Variants in RBFOX1 observed in about 807,000 individuals in gnomAD.
The protein encoded by RBFOX1 is RNA binding protein fox-1 homolog 1.
RBFOX1 carries 8 observed loss-of-function variants against 57.7 expected under a neutral mutation model. The observed-to-expected ratio is 0.14, with a 90% CI of 0.08 to 0.25. The LOEUF (loss-of-function observed/expected upper bound fraction) is 0.25, where lower values mean the gene tolerates loss of function less well. Ranked by LOEUF, RBFOX1 falls within the 10% of genes least tolerant of loss-of-function variation. The pLI, the probability that RBFOX1 is intolerant of heterozygous loss-of-function variation, is 1.00. For missense variants in RBFOX1, 611 were observed against 548.5 expected (o/e 1.11, Z -1.14); for synonymous variants, 326 against 222.4 (o/e 1.47, Z -4.15).
chr16:7,411,758 CTGGGCGTGG>C (rs1483955503), intron 4 of RBFOX1, among the ~76,000 whole-genome samples: 1 of 152,124 alleles, frequency 6.6e-6, no homozygotes, highest in East Asian at 1.9e-4. Context: ...CAAAAATTAG[CTGGGCGTGG>C]TGGCGCATGC....
At chr16:6,918,717 T>G (rs1174934748) in intron 3 of RBFOX1, among the ~76,000 whole-genome samples, 3 of 152,186 alleles carry the variant, frequency 2.0e-5, no homozygotes, top group Admixed American at 6.5e-5. Flanking sequence ...TTCTCTGCCT[T>G]CCGAATGCAG....
In RBFOX1 at chr16:6,985,095, C is replaced by A. The variant is rs868443611; in HGVS notation, c.-15-66962C>A. Among the ~76,000 whole-genome samples, 4 of 149,324 alleles carry A rather than the reference C, an allele frequency of 2.7e-5. No individual in the cohort carries two copies. In the South Asian group the frequency reaches 6.7e-4, roughly 25 times the overall value. On this transcript the variant is annotated intron_variant, in intron 3 of 15. Transcript: ENST00000550418. Reference sequence around the variant, plus strand: ...TTCTCAAGATTCTGGAATTTCCTCTCCCCTCTCCTTCCTTCCCCTACCCTA... The same window carrying A: ...TTCTCAAGATTCTGGAATTTCCTCTACCCTCTCCTTCCTTCCCCTACCCTA...
intron 2 of RBFOX1, among the ~76,000 whole-genome samples, chr16:5,502,999 C>G (rs2043253746): frequency 1.3e-5 from 2 of 152,230 alleles, no homozygotes; most frequent in African/African-American, 4.8e-5. Flanking sequence ...ACACATCTCT[C>G]CTAAAATATT....
At chr16:7,607,231 A>C in intron 9 of RBFOX1, 54 bp from the exon 10 acceptor site, 2 of 1,479,968 alleles carry the variant, frequency 1.4e-6, no homozygotes, top group Non-Finnish European at 1.9e-6. Flanking sequence ...ATTTGCAATT[A>C]TATAAGATGT....
chr16:6,162,079 C>G (rs920022956), intron 1 of RBFOX1, among the ~76,000 whole-genome samples: 54 of 152,292 alleles, frequency 3.5e-4, no homozygotes, highest in African/African-American at 1.3e-3. Context: ...AGGTCAGATT[C>G]ACACAATGCA....
intron 2 of RBFOX1, among the ~76,000 whole-genome samples, chr16:6,550,830 A>C (rs1009296192): frequency 2.0e-5 from 3 of 152,228 alleles, no homozygotes; most frequent in African/African-American, 7.2e-5. Context: ...CTTCACATTG[A>C]TTAGAACAAT....
intron 3 of RBFOX1, among the ~76,000 whole-genome samples, chr16:6,986,130 G>C (rs1271761161): frequency 3.4e-5 from 5 of 147,800 alleles, no homozygotes; most frequent in Non-Finnish European, 1.5e-5. Context: ...ATGAAAAAAT[G>C]TAAGACTTGT....
At chr16:5,629,493 G>A (rs1188614369) in intron 3 of RBFOX1, among the ~76,000 whole-genome samples, 1 of 152,218 alleles carries the variant, frequency 6.6e-6, no homozygotes, top group Admixed American at 6.5e-5. Context: ...CCCAAAGAGG[G>A]CTTCATGGAC....
At chr16:6,870,249 A>G (rs182781968) in intron 3 of RBFOX1, among the ~76,000 whole-genome samples, 1 of 152,232 alleles carries the variant, frequency 6.6e-6, no homozygotes, top group African/African-American at 2.4e-5. Flanking sequence ...GGGTGGGGCA[A>G]TGGAGAGAGC....
At position 6,975,881 on chromosome 16, in the gene RBFOX1, C is replaced by T. The variant is rs544962837; in HGVS notation, c.-15-76176C>T. On this transcript the variant is annotated intron_variant, in intron 3 of 15. Coordinates refer to ENST00000550418, the MANE Select transcript of RBFOX1 (RefSeq NM_018723.4). ...GTGGTGCACACCTGTAATCGCAGCA[C>T]TTTGGGAGGCTGAGGTAGGTGGTCA... Among the ~76,000 whole-genome samples, 34 of 152,194 alleles carry T rather than the reference C, an allele frequency of 2.2e-4. No homozygotes were observed. The South Asian group carries it at 6.2e-3, about 28-fold the overall frequency.
chr16:6,722,285 C>A (rs1351408544), intron 3 of RBFOX1, among the ~76,000 whole-genome samples: 2 of 152,016 alleles, frequency 1.3e-5, no homozygotes, highest in Non-Finnish European at 2.9e-5. Flanking sequence ...AGAGTTTCCA[C>A]TTCTCCACAG....
chr16:5,603,771 T>C (rs1401824814), downstream of RBFOX1, among the ~76,000 whole-genome samples: 1 of 152,238 alleles, frequency 6.6e-6, no homozygotes, highest in Non-Finnish European at 1.5e-5. Flanking sequence ...GGCCACAAGA[T>C]GGAGAGGCAC....
At chr16:6,127,897 A>G (rs1009921095) in intron 1 of RBFOX1, among the ~76,000 whole-genome samples, 1 of 152,202 alleles carries the variant, frequency 6.6e-6, no homozygotes, top group Non-Finnish European at 1.5e-5. Context: ...GCATTTTCTC[A>G]CTTCAGAGAA....
chr16:6,870,300 T>G (rs971523363), intron 3 of RBFOX1, among the ~76,000 whole-genome samples: 1 of 152,186 alleles, frequency 6.6e-6, no homozygotes, highest in African/African-American at 2.4e-5. Context: ...CCTTTTTGTT[T>G]GTCAGCACTA....
chr16:5,675,956 C>G (rs187358311), intron 3 of RBFOX1, among the ~76,000 whole-genome samples: 7 of 152,196 alleles, frequency 4.6e-5, no homozygotes, highest in Admixed American at 3.9e-4. Context: ...AGTCTTTTGT[C>G]TATAATTAGG....
chr16:6,685,738 A>C (rs1029308654), intron 3 of RBFOX1, among the ~76,000 whole-genome samples: 6 of 152,136 alleles, frequency 3.9e-5, no homozygotes, highest in African/African-American at 7.2e-5. Flanking sequence ...CAATTTTAAC[A>C]ATTTGGTGTC....
At chr16:6,576,361 C>T (rs867565477) in intron 2 of RBFOX1, among the ~76,000 whole-genome samples, 2 of 152,120 alleles carry the variant, frequency 1.3e-5, no homozygotes, top group African/African-American at 4.8e-5. Flanking sequence ...ACCGGAGTAC[C>T]CGGAGAAAAC....
At chr16:6,213,002 C>G (rs1392335290) in intron 1 of RBFOX1, among the ~76,000 whole-genome samples, 2 of 152,122 alleles carry the variant, frequency 1.3e-5, no homozygotes, top group Admixed American at 6.5e-5. Context: ...TTTATATTCA[C>G]TGTTGTGGTC....
chr16:6,398,491 T>C (rs36054680), intron 2 of RBFOX1, among the ~76,000 whole-genome samples: 54,293 of 151,882 alleles, frequency 0.36, 9,897 homozygotes, highest in East Asian at 0.55. Context: ...ACCTACTAGA[T>C]ACAATGGGGT....
Sources: gnomAD v4.1 joint callset for allele counts (sites outside exome capture counted in the v4.1 genomes callset) on GRCh38, gnomAD v4.1.1 for gene constraint, MANE v1.5 for transcripts, NCBI Gene and HGNC (gene_info 2026-07-23, HGNC 2026-07-21) for gene names.